Variants in SCFD2 observed in about 807,000 individuals in gnomAD.
SCFD2 encodes sec1 family domain containing 2, also known as sec1 family domain-containing protein 2.
A neutral mutation model predicts 58.9 loss-of-function variants in SCFD2; 54 were observed. That is an observed-to-expected ratio of 0.92 (90% CI 0.74 to 1.15). The LOEUF (loss-of-function observed/expected upper bound fraction) is 1.15, where lower values mean the gene tolerates loss of function less well. Among genes scored for constraint, SCFD2 ranks in the 50% most tolerant of loss-of-function variants. The pLI, the probability that SCFD2 is intolerant of heterozygous loss-of-function variation, is 0.00. For synonymous variants in SCFD2, 321 were observed against 335.9 expected (o/e 0.96, Z 0.49); for missense variants, 805 against 836.6 (o/e 0.96, Z 0.47).
chr4:53,264,882 G>A (rs1437262128), intron 4 of SCFD2, among the ~76,000 whole-genome samples: 2 of 152,102 alleles, frequency 1.3e-5, no homozygotes, highest in Non-Finnish European at 2.9e-5. Flanking sequence ...ATTGCAAAGA[G>A]ATAAAACTTA....
chr4:53,180,731 T>C (rs1727520870), intron 4 of SCFD2, among the ~76,000 whole-genome samples: 1 of 151,792 alleles, frequency 6.6e-6, no homozygotes, highest in Admixed American at 6.6e-5. Context: ...TTTGAAAAGA[T>C]CAACAAAATT....
chr4:53,089,274 T>A (rs574608419), intron 5 of SCFD2, among the ~76,000 whole-genome samples: 1 of 152,344 alleles, frequency 6.6e-6, no homozygotes, highest in South Asian at 2.1e-4. Context: ...CCTTATCTAT[T>A]CTGAATACTA....
chr4:53,211,183 C>T (rs1279778295), intron 4 of SCFD2, among the ~76,000 whole-genome samples: 2 of 150,318 alleles, frequency 1.3e-5, no homozygotes, highest in South Asian at 4.2e-4. Flanking sequence ...GCGGAGGTTG[C>T]AATGAGCTGA....
intron 5 of SCFD2, among the ~76,000 whole-genome samples, chr4:53,085,959 C>T (rs1724293639): frequency 1.3e-5 from 2 of 152,252 alleles, no homozygotes; most frequent in South Asian, 4.1e-4. Context: ...CGTGGCAACT[C>T]TCCAGGAAAT....
intron 4 of SCFD2, among the ~76,000 whole-genome samples, chr4:53,236,532 A>C (rs1433032899): frequency 6.7e-6 from 1 of 149,954 alleles, no homozygotes; most frequent in Non-Finnish European, 1.5e-5. Flanking sequence ...TATTTTTCTT[A>C]GTTGTTTTAA....
At chr4:53,017,550 G>C (rs1322699100) in intron 5 of SCFD2, among the ~76,000 whole-genome samples, 4 of 152,158 alleles carry the variant, frequency 2.6e-5, no homozygotes, top group Non-Finnish European at 5.9e-5. Flanking sequence ...TTTCCATCTA[G>C]ATTCCCTGAG....
At chr4:53,188,427 G>A (rs1221509074) in intron 4 of SCFD2, among the ~76,000 whole-genome samples, 6 of 127,312 alleles carry the variant, frequency 4.7e-5, no homozygotes, top group African/African-American at 1.7e-4. Flanking sequence ...TGGTGTGTGT[G>A]TGTGTGTGTG....
chr4:53,009,722 C>G (rs1434291586), intron 5 of SCFD2, among the ~76,000 whole-genome samples: 1 of 152,080 alleles, frequency 6.6e-6, no homozygotes, highest in African/African-American at 2.4e-5. Context: ...CTTGTTTTTT[C>G]ACTATTATGG....
At chr4:53,202,560 T>C (rs1428163676) in intron 4 of SCFD2, among the ~76,000 whole-genome samples, 2 of 152,062 alleles carry the variant, frequency 1.3e-5, no homozygotes, top group African/African-American at 4.8e-5. Context: ...CAATTCTGTG[T>C]AGAAAGTCAT....
At chr4:53,038,539 TGG>T (rs1722819097) in intron 5 of SCFD2, among the ~76,000 whole-genome samples, 1 of 152,190 alleles carries the variant, frequency 6.6e-6, no homozygotes, top group Non-Finnish European at 1.5e-5. Flanking sequence ...CAGACTTGCA[TGG>T]AGAGTTTCAT....
At chr4:53,040,058 A>C (rs534041829) in intron 5 of SCFD2, among the ~76,000 whole-genome samples, 1 of 152,340 alleles carries the variant, frequency 6.6e-6, no homozygotes, top group Non-Finnish European at 1.5e-5. Context: ...TGCTATTAAC[A>C]AATCACCTCC....
chr4:53,178,427 C>A (rs1208074837), intron 4 of SCFD2, among the ~76,000 whole-genome samples: 2 of 152,188 alleles, frequency 1.3e-5, no homozygotes, highest in Non-Finnish European at 2.9e-5. Flanking sequence ...AATAGACCTG[C>A]CGCTGAGGGT....
At chr4:53,248,282 G>A (rs982248891) in intron 4 of SCFD2, among the ~76,000 whole-genome samples, 2 of 152,222 alleles carry the variant, frequency 1.3e-5, no homozygotes, top group African/African-American at 2.4e-5. Flanking sequence ...TACACCCACT[G>A]AGTCTCGCAG....
chr4:53,256,108 G>A (rs1730613958), intron 4 of SCFD2, among the ~76,000 whole-genome samples: 1 of 150,688 alleles, frequency 6.6e-6, no homozygotes. Flanking sequence ...GCCGGGCGGA[G>A]ACGCTCCTCA....
At chr4:52,875,498 G>T (rs1008083148) in intron 8 of SCFD2, among the ~76,000 whole-genome samples, 1 of 151,930 alleles carries the variant, frequency 6.6e-6, no homozygotes, top group Non-Finnish European at 1.5e-5. Context: ...TGACTACATG[G>T]CTACGCTCCT....
At chr4:53,007,305 G>GGAGGGAGAGAGAGA (rs1721991087) in intron 5 of SCFD2, among the ~76,000 whole-genome samples, 8 of 66,076 alleles carry the variant, frequency 1.2e-4, no homozygotes, top group Admixed American at 7.7e-4. Context: ...AGAGGGAGAG[G>GGAGGGAGAGAGAGA]GAGAGAGAGA....
chr4:53,246,610 T>A (rs181229012), intron 4 of SCFD2, among the ~76,000 whole-genome samples: 4 of 152,296 alleles, frequency 2.6e-5, no homozygotes, highest in African/African-American at 7.2e-5. Flanking sequence ...AACTCCCTAT[T>A]CAATAAATGG....
chr4:53,013,141 CA>C (rs1722136044), intron 5 of SCFD2, among the ~76,000 whole-genome samples: 1 of 152,178 alleles, frequency 6.6e-6, no homozygotes, highest in African/African-American at 2.4e-5. Context: ...GACAAGGAAA[CA>C]AAATCTGCTT....
chr4:53,194,504 T>C (rs947490771), intron 4 of SCFD2, among the ~76,000 whole-genome samples: 5 of 152,208 alleles, frequency 3.3e-5, no homozygotes, highest in African/African-American at 1.2e-4. Context: ...TATTCTTTTC[T>C]TCATATTACG....
Sources: allele counts gnomAD v4.1 joint callset (sites outside exome capture counted in the v4.1 genomes callset), GRCh38; gene constraint gnomAD v4.1.1; transcripts MANE v1.5; gene names NCBI Gene and HGNC (gene_info 2026-07-23, HGNC 2026-07-21).